IFT57: variants seen among roughly 807,000 people sequenced by gnomAD.
IFT57 encodes intraflagellar transport 57, also known as intraflagellar transport protein 57 homolog.
A neutral mutation model predicts 56.8 loss-of-function variants in IFT57; 59 were observed. The ratio of observed to expected loss-of-function variants is 1.04; its 90% confidence interval spans 0.84 to 1.29. IFT57 has a LOEUF of 1.29. Among genes scored for constraint, IFT57 ranks in the 50% most tolerant of loss-of-function variants. The probability of loss-of-function intolerance (pLI) is 0.00; values close to 1 mark genes in which losing one functional copy is unlikely to be tolerated. For synonymous variants in IFT57, 209 were observed against 186.1 expected, an observed-to-expected ratio of 1.12 and a Z score of -1.00; for missense variants, 470 against 522.1, an observed-to-expected ratio of 0.90 and a Z score of 0.97.
intron 6 of IFT57, 41 bp from the exon 7 acceptor site, chr3:108,167,905 A>G: frequency 7.0e-7 from 1 of 1,420,756 alleles, no homozygotes; most frequent in Non-Finnish European, 9.6e-7. Context: ...AAAAAATACT[A>G]CATTTCCATC....
At chr3:108,180,076 G>A (rs1174563144) in intron 6 of IFT57, among the ~76,000 whole-genome samples, 1 of 151,976 alleles carries the variant, frequency 6.6e-6, no homozygotes, top group African/African-American at 2.4e-5. Flanking sequence ...GGAAGGCTAT[G>A]ATAATCACTG....
intron 4 of IFT57, among the ~76,000 whole-genome samples, chr3:108,210,270 T>C (rs1279236024): frequency 6.6e-6 from 1 of 151,740 alleles, no homozygotes; most frequent in Non-Finnish European, 1.5e-5. Flanking sequence ...TATGGGCAGT[T>C]CAAAATTAAA....
At chr3:108,193,318 C>T (rs567182317) in intron 5 of IFT57, among the ~76,000 whole-genome samples, 212 of 152,312 alleles carry the variant, frequency 1.4e-3, no homozygotes, top group Admixed American at 2.4e-3. Flanking sequence ...AAAGCCTCTC[C>T]TACCTCCTAG....
At chr3:108,209,506 C>G (rs890187564) in intron 4 of IFT57, among the ~76,000 whole-genome samples, 2 of 152,088 alleles carry the variant, frequency 1.3e-5, no homozygotes, top group African/African-American at 2.4e-5. Flanking sequence ...TTTTATGTGT[C>G]AATTTGACTG....
rs184192117 is a variant in IFT57 at position 108,189,432 on chromosome 3, G to A, written c.777+2089C>T. 2.6e-5 allele frequency among the ~76,000 whole-genome samples: 4 copies of A among 152,256 alleles called. No individual in the cohort carries two copies. In the East Asian group the frequency reaches 7.7e-4, roughly 29 times the overall value. ...TTCTAAGAATAAATTAGCTTCTAAG[G>A]CATTCTGAAAACAGCAATGTTTGTA... On this transcript the variant is annotated intron_variant, in intron 6 of 10. Coordinates refer to ENST00000264538, the MANE Select transcript of IFT57 (RefSeq NM_018010.4).
intron 8 of IFT57, among the ~76,000 whole-genome samples, chr3:108,166,377 T>G (rs549702467): frequency 5.9e-5 from 9 of 152,220 alleles, no homozygotes; most frequent in African/African-American, 1.7e-4. Flanking sequence ...GAAAAATTTG[T>G]CTCATTTTAT....
At chr3:108,169,799 C>A (rs1345245014) in intron 6 of IFT57, among the ~76,000 whole-genome samples, 3 of 151,998 alleles carry the variant, frequency 2.0e-5, no homozygotes, top group Non-Finnish European at 4.4e-5. Flanking sequence ...AGCTTATCCA[C>A]CATGATCAAG....
At chr3:108,180,883 T>C (rs1365466380) in intron 6 of IFT57, among the ~76,000 whole-genome samples, 2 of 152,082 alleles carry the variant, frequency 1.3e-5, no homozygotes, top group Non-Finnish European at 2.9e-5. Context: ...TTAGGTAGTC[T>C]AGAAATTTTA....
intron 6 of IFT57, among the ~76,000 whole-genome samples, chr3:108,184,361 C>CA (rs199670948): frequency 8.6e-5 from 13 of 151,850 alleles, no homozygotes; most frequent in South Asian, 2.1e-4. Context: ...AATAAATATA[C>CA]AAAAAAATTT....
chr3:108,212,850 C>G (rs889259799), intron 4 of IFT57, among the ~76,000 whole-genome samples: 1 of 151,858 alleles, frequency 6.6e-6, no homozygotes, highest in Non-Finnish European at 1.5e-5. Flanking sequence ...TGGTTTATGA[C>G]AGCAAAATAT....
chr3:108,212,567 T>C (rs1312254744), intron 4 of IFT57, among the ~76,000 whole-genome samples: 2 of 151,590 alleles, frequency 1.3e-5, no homozygotes, highest in Non-Finnish European at 2.9e-5. Context: ...TGCAAAACTG[T>C]GAGCCAAAAT....
At chr3:108,169,966 T>C (rs2080084281) in intron 6 of IFT57, among the ~76,000 whole-genome samples, 1 of 152,004 alleles carries the variant, frequency 6.6e-6, no homozygotes, top group Admixed American at 6.6e-5. Context: ...TGCTAAAAAC[T>C]CTCAATAAAC....
intron 6 of IFT57, among the ~76,000 whole-genome samples, chr3:108,186,832 G>C (rs1295789374): frequency 6.6e-6 from 1 of 151,946 alleles, no homozygotes; most frequent in African/African-American, 2.4e-5. Context: ...TGGAGATGAA[G>C]ACCTTTGTGA....
chr3:108,200,311 C>T (rs896706866), intron 5 of IFT57, among the ~76,000 whole-genome samples: 9 of 151,998 alleles, frequency 5.9e-5, no homozygotes, highest in Admixed American at 1.3e-4. Context: ...AGAACATGGC[C>T]TTGCAAGACA....
intron 9 of IFT57, among the ~76,000 whole-genome samples, chr3:108,165,091 C>T (rs955966677): frequency 1.3e-5 from 2 of 151,902 alleles, no homozygotes; most frequent in Non-Finnish European, 2.9e-5. Flanking sequence ...TGCAGACTAA[C>T]GTTAAAATTT....
chr3:108,170,220 C>A (rs1041158503), intron 6 of IFT57, among the ~76,000 whole-genome samples: 4 of 151,970 alleles, frequency 2.6e-5, no homozygotes, highest in African/African-American at 4.8e-5. Context: ...TCTCTGTTTG[C>A]AGATAACATA....
chr3:108,217,460 T>A (rs951725527), intron 3 of IFT57, among the ~76,000 whole-genome samples: 1 of 152,048 alleles, frequency 6.6e-6, no homozygotes. Flanking sequence ...TTATGGACCA[T>A]GTAGCCATTC....
intron 4 of IFT57, among the ~76,000 whole-genome samples, chr3:108,210,506 G>A (rs1009435603): frequency 4.6e-5 from 7 of 151,710 alleles, no homozygotes; most frequent in African/African-American, 1.7e-4. Flanking sequence ...TCTAATTTTT[G>A]TATTTTTGTA....
chr3:108,182,362 C>T (rs1361151340), intron 6 of IFT57, among the ~76,000 whole-genome samples: 2 of 152,152 alleles, frequency 1.3e-5, no homozygotes, highest in East Asian at 1.9e-4. Context: ...TTCTAAGAGA[C>T]TTAGATCTAA....
Sources: allele counts gnomAD v4.1 joint callset (sites outside exome capture counted in the v4.1 genomes callset), GRCh38; gene constraint gnomAD v4.1.1; transcripts MANE v1.5; gene names NCBI Gene and HGNC (gene_info 2026-07-23, HGNC 2026-07-21).